NELL1: variants seen among roughly 807,000 people sequenced by gnomAD.
NELL1 encodes the protein protein kinase C-binding protein NELL1.
In NELL1, 76 loss-of-function variants were observed where a neutral mutation model predicts 107.4. That is an observed-to-expected ratio of 0.71 (90% CI 0.59 to 0.86). NELL1 has a LOEUF of 0.86. Ranked by LOEUF, NELL1 falls within the 40% of genes least tolerant of loss-of-function variation. The pLI, the probability that NELL1 is intolerant of heterozygous loss-of-function variation, is 0.00. For synonymous variants in NELL1, 353 were observed against 341.2 expected, an observed-to-expected ratio of 1.03 and a Z score of -0.38; for missense variants, 1,024 against 1,005.5, an observed-to-expected ratio of 1.02 and a Z score of -0.25.
chr11:20,781,044 G>A (rs1054868787), intron 2 of NELL1, among the ~76,000 whole-genome samples: 4 of 152,222 alleles, frequency 2.6e-5, no homozygotes, highest in African/African-American at 9.6e-5. Flanking sequence ...TAACTACAGT[G>A]TGAAGAATGG....
rs996518712 is a variant in NELL1, at chr11:21,005,019, T to C, written c.1300+44459T>C. ...ACATCCATCCAAAAACCATTTAGGG[T>C]GTGTCCTGGAATAAGAATGTACTAA... On this transcript the variant is annotated intron_variant, in intron 12 of 19. Coordinates refer to ENST00000357134, the MANE Select transcript of NELL1 (RefSeq NM_006157.5). 2.0e-5 allele frequency among the ~76,000 whole-genome samples: 3 copies of C among 152,270 alleles called. No individual in the cohort carries two copies. In the East Asian group the frequency reaches 5.8e-4, roughly 29 times the overall value.
intron 3 of NELL1, among the ~76,000 whole-genome samples, chr11:20,804,273 T>A (rs996462673): frequency 6.6e-6 from 1 of 152,206 alleles, no homozygotes; most frequent in Non-Finnish European, 1.5e-5. Flanking sequence ...TCTTGCTCTG[T>A]CACCCAGGCT....
chr11:21,471,493 T>TA (rs1854181062), intron 15 of NELL1, among the ~76,000 whole-genome samples: 1 of 152,078 alleles, frequency 6.6e-6, no homozygotes, highest in African/African-American at 2.4e-5. Flanking sequence ...CTTTAAATGA[T>TA]AGAGACTTTA....
At chr11:21,213,667 G>C (rs1857552428) in intron 13 of NELL1, among the ~76,000 whole-genome samples, 1 of 152,124 alleles carries the variant, frequency 6.6e-6, no homozygotes. Flanking sequence ...GAACAGAATA[G>C]AGACCCCAGA....
chr11:20,795,999 C>G (rs1176253312), intron 3 of NELL1, among the ~76,000 whole-genome samples: 1 of 152,038 alleles, frequency 6.6e-6, no homozygotes. Flanking sequence ...ATTACCACAT[C>G]ATAGAGTTAT....
At chr11:21,314,275 C>T (rs1849824069) in intron 14 of NELL1, among the ~76,000 whole-genome samples, 1 of 152,112 alleles carries the variant, frequency 6.6e-6, no homozygotes, top group Middle Eastern at 3.2e-3. Flanking sequence ...ACTTCCAATA[C>T]TGTTACATTG....
At chr11:20,796,580 C>T (rs1857173058) in intron 3 of NELL1, among the ~76,000 whole-genome samples, 1 of 152,302 alleles carries the variant, frequency 6.6e-6, no homozygotes. Flanking sequence ...AGTATGCAAG[C>T]AAGTCTCCAC....
intron 12 of NELL1, among the ~76,000 whole-genome samples, chr11:21,038,352 T>C (rs536883413): frequency 6.6e-6 from 1 of 152,332 alleles, no homozygotes; most frequent in African/African-American, 2.4e-5. Context: ...TTGATGAGTC[T>C]ATTGGTTATA....
At chr11:20,672,981 C>CG (rs1380196264) in intron 1 of NELL1, among the ~76,000 whole-genome samples, 3 of 106,290 alleles carry the variant, frequency 2.8e-5, no homozygotes, top group Non-Finnish European at 6.1e-5. Flanking sequence ...CCCCCCCCCC[C>CG]CCCCCCGAGT....
chr11:21,383,760 G>T lies in NELL1; in HGVS notation c.1645+12812G>T, dbSNP rs891547765. On this transcript the variant is annotated intron_variant, in intron 15 of 19. Transcript: ENST00000357134. ...AAAAATTAGTTATTGAGTGTTTCCA[G>T]TAATCCAGAATAGTCCTGATTTTCC... 2.7e-5 allele frequency: 4 copies of T among 150,918 alleles called. No homozygotes were observed. In the East Asian group the frequency reaches 7.8e-4, roughly 30 times the overall value. 9.3% of individuals were successfully genotyped at this position (150,918 alleles called of 1,614,324 possible). A position where few individuals can be genotyped will look rare whatever the true frequency, so the allele number is the denominator to read the frequency against.
intron 2 of NELL1, among the ~76,000 whole-genome samples, chr11:20,747,997 G>A (rs1192224994): frequency 2.0e-5 from 3 of 152,152 alleles, no homozygotes; most frequent in Admixed American, 2.0e-4. Flanking sequence ...GGATTGCAAA[G>A]CTCCAATTAC....
At chr11:20,688,610 C>T (rs1480698023) in intron 2 of NELL1, among the ~76,000 whole-genome samples, 2 of 152,206 alleles carry the variant, frequency 1.3e-5, no homozygotes, top group South Asian at 2.1e-4. Flanking sequence ...TACATATATA[C>T]CACATTTTCT....
chr11:21,175,337 T>C (rs1856689839), intron 13 of NELL1, among the ~76,000 whole-genome samples: 1 of 151,772 alleles, frequency 6.6e-6, no homozygotes, highest in African/African-American at 2.4e-5. Flanking sequence ...CTCTCTCTTT[T>C]TTTCTAACTC....
intron 16 of NELL1, among the ~76,000 whole-genome samples, chr11:21,542,538 T>C (rs992405071): frequency 2.0e-5 from 3 of 152,082 alleles, no homozygotes; most frequent in African/African-American, 7.2e-5. Flanking sequence ...GCCATCCTTC[T>C]GAGCGATGGG....
rs975122559 is a variant in NELL1, at chr11:21,183,399, T to A, written c.1427-45933T>A. Among the ~76,000 whole-genome samples, 16 of 151,946 alleles carry A rather than the reference T, an allele frequency of 1.1e-4. 1 individual carries two copies. Among genetic ancestry groups the A allele is most frequent in the African/African-American group, 3.6e-4 (15 of 41,190 alleles). ...AATTACTTTTACAGGTTTCAGAACA[T>A]CTATTCATAGGGTCAGCTGAACAAA... On this transcript the variant is annotated intron_variant, in intron 13 of 19. Transcript: ENST00000357134.
intron 14 of NELL1, among the ~76,000 whole-genome samples, chr11:21,230,077 A>G (rs1030803544): frequency 7.2e-5 from 11 of 152,136 alleles, no homozygotes; most frequent in African/African-American, 2.2e-4. Flanking sequence ...CTCAGCCACA[A>G]TGCTCATTTC....
intron 14 of NELL1, among the ~76,000 whole-genome samples, chr11:21,264,388 T>G (rs1848597633): frequency 6.6e-6 from 1 of 151,812 alleles, no homozygotes; most frequent in Admixed American, 6.6e-5. Flanking sequence ...TTGAATATGG[T>G]GCCCAGTGGA....
At chr11:20,931,586 A>T (rs1160284904) in intron 9 of NELL1, among the ~76,000 whole-genome samples, 1 of 152,146 alleles carries the variant, frequency 6.6e-6, no homozygotes, top group South Asian at 2.1e-4. Flanking sequence ...AATAAAATAT[A>T]AAAAAAGACA....
chr11:21,437,005 T>A (rs892022797), intron 15 of NELL1, among the ~76,000 whole-genome samples: 1 of 152,184 alleles, frequency 6.6e-6, no homozygotes, highest in African/African-American at 2.4e-5. Context: ...TTTTTAAAAA[T>A]TTTAAGTCTT....
Sources: gnomAD v4.1 joint callset for allele counts (sites outside exome capture counted in the v4.1 genomes callset) on GRCh38, gnomAD v4.1.1 for gene constraint, MANE v1.5 for transcripts, NCBI Gene and HGNC (gene_info 2026-07-23, HGNC 2026-07-21) for gene names.